Variants in NDFIP2 observed in about 807,000 individuals in gnomAD.
The protein encoded by NDFIP2 is Nedd4 family interacting protein 2.
A neutral mutation model predicts 36.0 loss-of-function variants in NDFIP2; 19 were observed. The ratio of observed to expected loss-of-function variants is 0.53; its 90% CI spans 0.37 to 0.77. NDFIP2 has a LOEUF of 0.77. Among genes scored for constraint, NDFIP2 ranks in the 30% least tolerant of loss-of-function variants. NDFIP2 has a pLI of 0.00. For missense variants in NDFIP2, 446 were observed against 435.8 expected, an observed-to-expected ratio of 1.02 and a Z score of -0.21; for synonymous variants, 181 against 167.7, an observed-to-expected ratio of 1.08 and a Z score of -0.61.
rs900599697 is a variant in NDFIP2, at chr13:79,553,631, A to C, written c.*1118A>C. On this transcript the variant is annotated 3_prime_UTR_variant, in exon 8 of 8. Transcript: ENST00000218652. ...TGACTTTAGGATTAACTTGTAAAAA[A>C]CATATCCTGAACTGAGATATGCAAA... The C allele has an allele frequency of 1.3e-5, 2 of 152,024 alleles. No homozygotes were observed. The highest frequency in any genetic ancestry group is 4.8e-5 in the African/African-American group (2 of 41,414). The allele number at this position is 152,024 out of a possible 1,614,324, so 9.4% of individuals were successfully genotyped here.
chr13:79,485,980 C>G (rs1872968084), intron 1 of NDFIP2, among the ~76,000 whole-genome samples: 1 of 152,120 alleles, frequency 6.6e-6, no homozygotes, highest in Admixed American at 6.6e-5. Context: ...ATCCAAAAAC[C>G]CGAAATCTAA....
chr13:79,483,253 C>T (rs554916991), intron 1 of NDFIP2, among the ~76,000 whole-genome samples: 7 of 151,974 alleles, frequency 4.6e-5, no homozygotes, highest in African/African-American at 1.5e-4. Flanking sequence ...TCGATCTGTT[C>T]TCCTTGTAAG....
At chr13:79,532,905 A>G (rs1283192393) in intron 2 of NDFIP2, among the ~76,000 whole-genome samples, 1 of 152,188 alleles carries the variant, frequency 6.6e-6, no homozygotes, top group Non-Finnish European at 1.5e-5. Context: ...TGAAATGGTT[A>G]GTATTATGTA....
intron 2 of NDFIP2, among the ~76,000 whole-genome samples, chr13:79,532,656 A>G (rs1235816116): frequency 6.6e-6 from 1 of 152,204 alleles, no homozygotes; most frequent in Non-Finnish European, 1.5e-5. Flanking sequence ...GAAAGGGACA[A>G]GAGTGGAAAA....
intron 2 of NDFIP2, among the ~76,000 whole-genome samples, chr13:79,522,367 T>G (rs999840671): frequency 1.6e-4 from 24 of 151,084 alleles, no homozygotes; most frequent in African/African-American, 5.9e-4. Context: ...TGATTATAAT[T>G]TTGAAGAAAG....
At chr13:79,550,816 A>G (rs1242820368) in intron 6 of NDFIP2, among the ~76,000 whole-genome samples, 1 of 151,558 alleles carries the variant, frequency 6.6e-6, no homozygotes, top group African/African-American at 2.4e-5. Flanking sequence ...TGGTACATCT[A>G]GGCTTAACAA....
intron 1 of NDFIP2, among the ~76,000 whole-genome samples, chr13:79,509,057 A>G (rs1386837618): frequency 6.6e-6 from 1 of 152,172 alleles, no homozygotes; most frequent in African/African-American, 2.4e-5. Context: ...TTAAACATTA[A>G]AACTATGTAA....
At chr13:79,552,114 A>G (rs942705698) in intron 7 of NDFIP2, among the ~76,000 whole-genome samples, 1 of 151,328 alleles carries the variant, frequency 6.6e-6, no homozygotes, top group African/African-American at 2.4e-5. Context: ...TTTCTAGATC[A>G]TGTTAAAGTA....
At chr13:79,544,760 G>A (rs1021995656) in intron 5 of NDFIP2, among the ~76,000 whole-genome samples, 2 of 151,912 alleles carry the variant, frequency 1.3e-5, no homozygotes, top group African/African-American at 4.8e-5. Context: ...TGATTTAAAA[G>A]TACCCACTAT....
intron 2 of NDFIP2, among the ~76,000 whole-genome samples, chr13:79,532,699 C>A (rs533115823): frequency 1.3e-5 from 2 of 152,208 alleles, no homozygotes; most frequent in South Asian, 4.2e-4. Context: ...AAGGGAAATA[C>A]TGAATTTGCT....
intron 3 of NDFIP2, among the ~76,000 whole-genome samples, chr13:79,538,132 C>T (rs1053925800): frequency 1.3e-5 from 2 of 152,120 alleles, no homozygotes; most frequent in Admixed American, 6.5e-5. Flanking sequence ...ATGAGAACAG[C>T]GCCCAGGAAA....
chr13:79,510,143 A>C (rs1434923651), intron 1 of NDFIP2, among the ~76,000 whole-genome samples: 2 of 152,176 alleles, frequency 1.3e-5, no homozygotes, highest in Admixed American at 1.3e-4. Flanking sequence ...TCTGCATAAA[A>C]AGTTGTCCCT....
At chr13:79,520,512 A>G (rs1400682061) in intron 1 of NDFIP2, among the ~76,000 whole-genome samples, 2 of 152,198 alleles carry the variant, frequency 1.3e-5, no homozygotes, top group African/African-American at 2.4e-5. Context: ...TATCTACTTT[A>G]GGATCATATG....
At chr13:79,511,011 A>AG in intron 1 of NDFIP2, among the ~76,000 whole-genome samples, 2 of 151,784 alleles carry the variant, frequency 1.3e-5, no homozygotes, top group East Asian at 3.9e-4. Flanking sequence ...AAAAAAAAAA[A>AG]AAAAAGGTGG....
intron 7 of NDFIP2, among the ~76,000 whole-genome samples, chr13:79,551,559 A>G (rs889868856): frequency 1.3e-5 from 2 of 151,502 alleles, no homozygotes; most frequent in Non-Finnish European, 3.0e-5. Context: ...ATCTGATTGA[A>G]AAACAATTTG....
At chr13:79,482,805 C>A (rs183403407) in intron 1 of NDFIP2, among the ~76,000 whole-genome samples, 28 of 152,322 alleles carry the variant, frequency 1.8e-4, no homozygotes, top group African/African-American at 6.7e-4. Flanking sequence ...ATTCCGAATT[C>A]TTTGAAAATT....
chr13:79,519,812 C>T lies in NDFIP2; in HGVS notation c.322-998C>T, dbSNP rs577655099. Among the ~76,000 whole-genome samples, 9 of 152,304 alleles carry T rather than the reference C, an allele frequency of 5.9e-5. No individual in the cohort carries two copies. The South Asian group carries it at 8.3e-4, about 14-fold the overall frequency. ...TTTGTTGGTTTGTTTGTTTTTGAGA[C>T]GGAGTCTCGCTCTGTCACTTTGACA... On this transcript the variant is annotated intron_variant, in intron 1 of 7. Coordinates refer to ENST00000218652, the MANE Select transcript of NDFIP2 (RefSeq NM_019080.3).
intron 1 of NDFIP2, among the ~76,000 whole-genome samples, chr13:79,511,427 T>C (rs981326565): frequency 1.3e-5 from 2 of 152,208 alleles, no homozygotes; most frequent in Non-Finnish European, 2.9e-5. Flanking sequence ...CAGTGACCTG[T>C]AGTTTTCAGA....
chr13:79,512,381 A>C (rs942219737), intron 1 of NDFIP2, among the ~76,000 whole-genome samples: 8 of 152,166 alleles, frequency 5.3e-5, no homozygotes, highest in Non-Finnish European at 8.8e-5. Context: ...CTTTGTTATC[A>C]AGCACATGGG....
Sources: allele counts gnomAD v4.1 joint callset (sites outside exome capture counted in the v4.1 genomes callset), GRCh38; gene constraint gnomAD v4.1.1; transcripts MANE v1.5; gene names NCBI Gene and HGNC (gene_info 2026-07-23, HGNC 2026-07-21).